Variants in TMEM106B observed in about 807,000 individuals in gnomAD.
The protein encoded by TMEM106B is transmembrane protein 106B.
TMEM106B carries 15 observed loss-of-function variants against 31.1 expected under a neutral mutation model. The ratio of observed to expected loss-of-function variants is 0.48; its 90% confidence interval spans 0.32 to 0.74. TMEM106B has a LOEUF of 0.74. TMEM106B is among the 30% of genes least tolerant of loss of function. TMEM106B has a pLI of 0.03. For synonymous variants in TMEM106B, 126 were observed against 112.5 expected (o/e 1.12, Z -0.76); for missense variants, 283 against 327.3 (o/e 0.86, Z 1.04).
chr7:12,213,535 T>C (rs1781622713), intron 1 of TMEM106B, among the ~76,000 whole-genome samples: 1 of 152,252 alleles, frequency 6.6e-6, no homozygotes. Flanking sequence ...AAAGGTAGAA[T>C]GTATTTTTAT....
chr7:12,214,010 A>C (rs1021226591), intron 1 of TMEM106B, among the ~76,000 whole-genome samples: 9 of 152,186 alleles, frequency 5.9e-5, no homozygotes, highest in African/African-American at 1.9e-4. Flanking sequence ...TTGAAGACTA[A>C]CAAGAGTCTC....
Position 12,241,564 on chromosome 7 carries a change from C to T in TMEM106B, c.*9589C>T, listed in dbSNP as rs1431970065. On this transcript the variant is annotated 3_prime_UTR_variant, in exon 8 of 8. Coordinates refer to ENST00000396668, the MANE Select transcript of TMEM106B (RefSeq NM_001134232.2). ...ATGGTTTCCAGCTTCATCCATATCC[C>T]TGAAAAGGACATGAACTCATCCTTT... 1 of 152,152 alleles carries T rather than the reference C, an allele frequency of 6.6e-6. No homozygotes were observed. The highest frequency in any genetic ancestry group is 1.5e-5 in the Non-Finnish European group (1 of 68,050). The allele number at this position is 152,152 out of a possible 1,614,324, so 9.4% of individuals were successfully genotyped here.
chr7:12,231,021 G>A (rs1469976112), intron 6 of TMEM106B, 41 bp from the exon 7 acceptor site: 2 of 1,375,802 alleles, frequency 1.5e-6, no homozygotes, highest in Non-Finnish European at 2.0e-6. Flanking sequence ...AATTTATAAT[G>A]TAGTAACTTG....
chr7:12,238,015 A>G lies in TMEM106B; in HGVS notation c.*6040A>G, dbSNP rs933277266. On this transcript the variant is annotated 3_prime_UTR_variant, in exon 8 of 8. Transcript: ENST00000396668. ...ATTTCTTAAGACAACAATGAAGTTT[A>G]TCACATCTATTGCCTTGTCCTTTCA... 1.3e-5 allele frequency: 2 copies of G among 152,248 alleles called. No individual in the cohort carries two copies. Among genetic ancestry groups the G allele is most frequent in the Admixed American group, 6.5e-5 (1 of 15,270 alleles). 9.4% of individuals were successfully genotyped at this position (152,248 alleles called of 1,614,324 possible).
At chr7:12,220,330 TAACTG>T (rs1781763321) in intron 3 of TMEM106B, among the ~76,000 whole-genome samples, 1 of 152,136 alleles carries the variant, frequency 6.6e-6, no homozygotes, top group Admixed American at 6.6e-5. Flanking sequence ...GACAAAACCT[TAACTG>T]AAGTCAAAAT....
chr7:12,232,877 T>C lies in TMEM106B; in HGVS notation c.*902T>C, dbSNP rs543753443. ...GCTTGGATCTGGCATAAAATAAATT[T>C]GAAATAAAATATTTTGATGCTCCAT... On this transcript the variant is annotated 3_prime_UTR_variant, in exon 8 of 8. Coordinates refer to ENST00000396668, the MANE Select transcript of TMEM106B (RefSeq NM_001134232.2). 112 of 151,994 alleles carry C rather than the reference T, an allele frequency of 7.4e-4. 1 individual carries two copies. Among genetic ancestry groups the C allele is most frequent in the African/African-American group, 2.5e-3 (105 of 41,558 alleles). The allele number at this position is 151,994 out of a possible 1,614,324, so 9.4% of individuals were successfully genotyped here. A position where few individuals can be genotyped will look rare whatever the true frequency, so the allele number is the denominator to read the frequency against.
chr7:12,215,657 A>G, intron 2 of TMEM106B: 1 of 380,986 alleles, frequency 2.6e-6, no homozygotes, highest in Admixed American at 2.6e-5. Context: ...GGCTCAAGCG[A>G]TCATCCAGCC....
chr7:12,224,797 C>T (rs1457580985), intron 4 of TMEM106B, among the ~76,000 whole-genome samples: 6 of 151,140 alleles, frequency 4.0e-5, no homozygotes, highest in Non-Finnish European at 8.8e-5. Context: ...TAGACCATTC[C>T]TTTATCAGCT....
intron 3 of TMEM106B, among the ~76,000 whole-genome samples, chr7:12,220,469 G>T (rs1040172400): frequency 6.6e-6 from 1 of 152,102 alleles, no homozygotes; most frequent in African/African-American, 2.4e-5. Context: ...CAAAATAGAA[G>T]CTATGAACAG....
Position 12,239,700 on chromosome 7 carries a change from G to C in TMEM106B, c.*7725G>C, listed in dbSNP as rs930507217. On this transcript the variant is annotated 3_prime_UTR_variant, in exon 8 of 8. Transcript: ENST00000396668. ...TGTTATTTTGTCTCAAGGAGAGAGG[G>C]ATGTGGGAACAGCTGGTTAGGAGAG... 6.6e-6 allele frequency: 1 copy of C among 152,116 alleles called. No homozygotes were observed. Among genetic ancestry groups the C allele is most frequent in the Non-Finnish European group, 1.5e-5 (1 of 68,020 alleles). The allele number at this position is 152,116 out of a possible 1,614,324, so 9.4% of individuals were successfully genotyped here. A position where few individuals can be genotyped will look rare whatever the true frequency, so the allele number is the denominator to read the frequency against.
intron 3 of TMEM106B, among the ~76,000 whole-genome samples, chr7:12,219,349 C>T (rs1447187077): frequency 1.3e-5 from 2 of 152,124 alleles, no homozygotes; most frequent in African/African-American, 4.8e-5. Context: ...AGCCCTTGAA[C>T]AGTGAAGCTA....
At chr7:12,211,927 C>A (rs939432174) in intron 1 of TMEM106B, among the ~76,000 whole-genome samples, 1 of 152,154 alleles carries the variant, frequency 6.6e-6, no homozygotes, top group African/African-American at 2.4e-5. Context: ...TGTTGACTTT[C>A]AGTAAACTAA....
chr7:12,221,911 A>C (rs1289910111), intron 3 of TMEM106B, among the ~76,000 whole-genome samples: 4 of 152,258 alleles, frequency 2.6e-5, no homozygotes, highest in African/African-American at 9.6e-5. Flanking sequence ...CAATAGGAGC[A>C]GAGAGAATAG....
chr7:12,236,233 G>GT lies in TMEM106B; in HGVS notation c.*4259dup. ...GCTTAGTCGGAATACAAATTTCACA[G>GT]TGGATTTTTGAAGTTTGTCCTTAAA... On this transcript the variant is annotated 3_prime_UTR_variant, in exon 8 of 8. Coordinates refer to ENST00000396668, the MANE Select transcript of TMEM106B (RefSeq NM_001134232.2). 6.6e-6 allele frequency: 1 copy of GT among 152,004 alleles called. No individual in the cohort carries two copies. The highest frequency in any genetic ancestry group is 2.4e-5 in the African/African-American group (1 of 41,548). The allele number at this position is 152,004 out of a possible 1,614,324, so 9.4% of individuals were successfully genotyped here.
chr7:12,225,679 T>C (rs940201580), intron 4 of TMEM106B, among the ~76,000 whole-genome samples: 3 of 152,198 alleles, frequency 2.0e-5, no homozygotes, highest in Non-Finnish European at 4.4e-5. Flanking sequence ...TTTTGAGAAG[T>C]GTCCGTTCAT....
chr7:12,212,187 G>A (rs1230121965), intron 1 of TMEM106B, among the ~76,000 whole-genome samples: 8 of 152,190 alleles, frequency 5.3e-5, no homozygotes, highest in Non-Finnish European at 1.2e-4. Context: ...CTCAAACGGA[G>A]AGCCACTTGA....
chr7:12,239,565 A>G lies in TMEM106B; in HGVS notation c.*7590A>G, dbSNP rs1782204273. 2 of 152,130 alleles carry G rather than the reference A, an allele frequency of 1.3e-5. No individual in the cohort carries two copies. Among genetic ancestry groups the G allele is most frequent in the South Asian group, 4.1e-4 (2 of 4,834 alleles). The allele number at this position is 152,130 out of a possible 1,614,324, so 9.4% of individuals were successfully genotyped here. A position where few individuals can be genotyped will look rare whatever the true frequency, so the allele number is the denominator to read the frequency against. ...TGTCCTTGGTGAGAAATGCTTGATT[A>G]CTAGGTGTAATTATTTCTAGCTTTT... On this transcript the variant is annotated 3_prime_UTR_variant, in exon 8 of 8. Coordinates refer to ENST00000396668, the MANE Select transcript of TMEM106B (RefSeq NM_001134232.2).
chr7:12,237,840 CACACACACACACACACTATT>C lies in TMEM106B; in HGVS notation c.*5866_*5885del, dbSNP rs919276818. 3.3e-5 allele frequency: 5 copies of C among 151,812 alleles called. No homozygotes were observed. The highest frequency in any genetic ancestry group is 1.2e-4 in the African/African-American group (5 of 41,136). 9.4% of individuals were successfully genotyped at this position (151,812 alleles called of 1,614,324 possible). On this transcript the variant is annotated 3_prime_UTR_variant, in exon 8 of 8. Coordinates refer to ENST00000396668, the MANE Select transcript of TMEM106B (RefSeq NM_001134232.2). Reference sequence around the variant, plus strand: ...ATACACACACACACACACACACACACACACACACACACACACTATTGCTAAAAAATGTTAACGATCATCTG... The same window carrying C: ...ATACACACACACACACACACACACACGCTAAAAAATGTTAACGATCATCTG...
rs1782066627 is a variant in TMEM106B at position 12,233,370 on chromosome 7, A to G, written c.*1395A>G. ...TTTCGTTCTGTTTTCTCATGACAGA[A>G]ATCAGGTTTCCCTTTCCCCACCCCT... On this transcript the variant is annotated 3_prime_UTR_variant, in exon 8 of 8. Coordinates refer to ENST00000396668, the MANE Select transcript of TMEM106B (RefSeq NM_001134232.2). The G allele has an allele frequency of 6.6e-6, 1 of 151,570 alleles. No individual in the cohort carries two copies. The highest frequency in any genetic ancestry group is 2.1e-4 in the South Asian group (1 of 4,814). 9.4% of individuals were successfully genotyped at this position (151,570 alleles called of 1,614,324 possible). A position where few individuals can be genotyped will look rare whatever the true frequency, so the allele number is the denominator to read the frequency against.
Sources: gnomAD v4.1 joint callset for allele counts (sites outside exome capture counted in the v4.1 genomes callset) on GRCh38, gnomAD v4.1.1 for gene constraint, MANE v1.5 for transcripts, NCBI Gene and HGNC (gene_info 2026-07-23, HGNC 2026-07-21) for gene names.